CIC: variants seen among roughly 807,000 people sequenced by gnomAD.
CIC encodes protein capicua homolog.
In CIC, 18 loss-of-function variants were observed where a neutral mutation model predicts 115.7. The observed-to-expected ratio is 0.16, with a 90% CI of 0.11 to 0.23. CIC has a LOEUF of 0.23. CIC is among the 10% of genes least tolerant of loss of function. The probability of loss-of-function intolerance (pLI) is 1.00; values close to 1 mark genes in which losing one functional copy is unlikely to be tolerated. For synonymous variants in CIC, 1,076 were observed against 923.0 expected (o/e 1.17, Z -3.01); for missense variants, 2,000 against 2,159.3 (o/e 0.93, Z 1.46).
intron 2 of CIC, among the ~76,000 whole-genome samples, chr19:42,274,823 A>G (rs542371359): frequency 2.6e-5 from 4 of 152,312 alleles, no homozygotes; most frequent in African/African-American, 9.6e-5. Context: ...TCAGTCAGCA[A>G]ACCTTTCTTG....
At chr19:42,293,534 C>T (rs985886664) in intron 16 of CIC, 58 bp from the exon 17 acceptor site, 76 of 1,611,998 alleles carry the variant, frequency 4.7e-5, no homozygotes, top group South Asian at 2.3e-4. Flanking sequence ...TTGTTTCTGG[C>T]CTTTGCCCCA....
chr19:42,295,143 G>GGGGCCCCCCC lies in CIC; in HGVS notation c.7506_7507insGGGCCCCCCC (p.Pro2503GlyfsTer23). On this transcript the variant is annotated frameshift_variant, in exon 21 of 21. Coordinates refer to ENST00000681038, the MANE Select transcript of CIC (RefSeq NM_001386298.1). LOFTEE classifies it high-confidence loss of function. ...AGCCTGGCTGGGAGGGGGCTCCCCA[G>GGGGCCCCCCC]CCCTCCCCCCCACCCCCAGGTCCCT... 57 of 1,382,634 alleles carry GGGGCCCCCCC rather than the reference G, an allele frequency of 4.1e-5. No homozygotes were observed. The highest frequency in any genetic ancestry group is 4.5e-5 in the Non-Finnish European group (47 of 1,037,732). 85.6% of individuals were successfully genotyped at this position (1,382,634 alleles called of 1,614,324 possible).
At chr19:42,294,409 G>A (rs565152140) in intron 19 of CIC, 105 bp downstream of exon 19, 3 of 1,578,486 alleles carry the variant, frequency 1.9e-6, no homozygotes, top group South Asian at 2.2e-5. Flanking sequence ...CATCCAGGCT[G>A]GGAGGAAGCA....
At chr19:42,277,650 C>T (rs987439106) in intron 2 of CIC, among the ~76,000 whole-genome samples, 1 of 152,238 alleles carries the variant, frequency 6.6e-6, no homozygotes, top group Non-Finnish European at 1.5e-5. Flanking sequence ...GTGTGCCTAA[C>T]CCCGGGCTTG....
Position 42,290,855 on chromosome 19 carries a change from G to T in CIC, c.4814G>T (p.Arg1605Leu), listed in dbSNP as rs200405570. 8 of 1,611,264 alleles carry T rather than the reference G, an allele frequency of 5.0e-6. No individual in the cohort carries two copies. The highest frequency in any genetic ancestry group is 2.7e-5 in the African/African-American group (2 of 74,870). ...IASKPFPTSG[R>L]AEASPNDTAG... ...TCTAAGCCCTTCCCCACCTCTGGCC[G>T]GGCTGAGGCGTCTCCAAATGACACA... The change falls in exon 11 of 21, where the codon CGG becomes CTG. Residue 1605 changes from arginine to leucine, a missense_variant. By Grantham distance (102) the Arg-to-Leu change is moderately radical. This residue lies in a region of CIC where 1,466 missense variants were observed against 1,390.4 expected (regional missense o/e 1.05). Transcript: ENST00000681038.
At chr19:42,288,408 A>G (rs1338352927) in intron 7 of CIC, among the ~76,000 whole-genome samples, 1 of 152,208 alleles carries the variant, frequency 6.6e-6, no homozygotes, top group Non-Finnish European at 1.5e-5. Flanking sequence ...GCAGCTCGCA[A>G]ACACCCCTGA....
At chr19:42,284,554 C>T in intron 2 of CIC, 1 of 176,480 alleles carries the variant, frequency 5.7e-6, no homozygotes, top group Non-Finnish European at 9.4e-6. Flanking sequence ...GTGGGGCGGC[C>T]GGAGGGGGGC....
chr19:42,283,101 G>C (rs1000999676), intron 2 of CIC, among the ~76,000 whole-genome samples: 1 of 152,212 alleles, frequency 6.6e-6, no homozygotes, highest in African/African-American at 2.4e-5. Context: ...ATTATATAGA[G>C]GGTGGGGTCG....
Position 42,290,321 on chromosome 19 carries a change from C to G in CIC, c.4280C>G (p.Pro1427Arg), listed in dbSNP as rs757042769. 6.2e-7 allele frequency: 1 copy of G among 1,614,112 alleles called. No homozygotes were observed. The highest frequency in any genetic ancestry group is 1.1e-5 in the South Asian group (1 of 91,088). The change falls in exon 11 of 21, where the codon CCG becomes CGG. Residue 1427 changes from proline (P) to arginine (R), a missense_variant. Pro to Arg is a moderately radical substitution (Grantham distance 103). Around this residue, in one of 8 missense-constraint regions of CIC, gnomAD observed 1,466 missense variants for 1,390.4 expected, o/e 1.05. Coordinates refer to ENST00000681038, the MANE Select transcript of CIC (RefSeq NM_001386298.1). ...CTGGACCCTGAGCCCCCAGGGCCCC[C>G]GGATCCTCCTGTAGCCTTTGGCAAA... ...PPLDPEPPGP[P>R]DPPVAFGKGY...
rs899851832 is a variant in CIC, at chr19:42,274,107, G to A, written c.2324G>A (p.Arg775His). The A allele has an allele frequency of 7.5e-6, 3 of 399,958 alleles. No individual in the cohort carries two copies. Among genetic ancestry groups the A allele is most frequent in the African/African-American group, 6.2e-5 (3 of 48,656 alleles). 24.8% of individuals were successfully genotyped at this position (399,958 alleles called of 1,614,324 possible). A position where few individuals can be genotyped will look rare whatever the true frequency, so the allele number is the denominator to read the frequency against. Residue 775 changes from arginine to histidine, a missense_variant, in exon 2 of 21, where the codon CGC (arginine) becomes CAC (histidine). Around this residue, in one of 8 missense-constraint regions of CIC, gnomAD observed 222 missense variants for 247.7 expected, o/e 0.90. Coordinates refer to ENST00000681038, the MANE Select transcript of CIC (RefSeq NM_001386298.1). ...RAVSPAVPFS[R>H]SRQPSPLLLL... ...GTGTCCCCTGCTGTGCCCTTCTCTCGCTCCCGCCAGCCCTCACCATTGCTG... is the reference window on the plus strand; with the variant it reads ...GTGTCCCCTGCTGTGCCCTTCTCTCACTCCCGCCAGCCCTCACCATTGCTG...
chr19:42,293,598 A>G lies in CIC; in HGVS notation c.6529A>G (p.Lys2177Glu), dbSNP rs750291887. The G allele has an allele frequency of 1.2e-6, 2 of 1,613,822 alleles. No individual in the cohort carries two copies. The highest frequency in any genetic ancestry group is 2.2e-5 in the South Asian group (2 of 91,070). ...CTGCCCATCTCCACCCCAGGCCAGC[A>G]AATTCCCCAGCTCATCTTCAGACTG... ...SAKGPETMAS[K>E]FPSSSSDWRV... Residue 2177 changes from lysine (K) to glutamate (E), a missense_variant, in exon 17 of 21, where the codon AAA becomes GAA. Transcript: ENST00000681038.
In CIC at chr19:42,292,611, C is replaced by G. The variant is rs748282809; in HGVS notation, c.5948C>G (p.Pro1983Arg). Residue 1983 changes from proline to arginine, a missense_variant, in exon 15 of 21, where the codon CCT (proline) becomes CGT (arginine). Pro to Arg is a moderately radical substitution (Grantham distance 103). This residue lies in a region of CIC where 1,466 missense variants were observed against 1,390.4 expected (regional missense o/e 1.05). Transcript: ENST00000681038. ...GCTCCCGGTCAGGTGGGCGTGTCACCTGTGCCCAGTCCCCAGCTGCCGCCT... is the reference window on the plus strand; with the variant it reads ...GCTCCCGGTCAGGTGGGCGTGTCACGTGTGCCCAGTCCCCAGCTGCCGCCT... ...LLAPGQVGVSPVPSPQLPPAC... is the reference protein window; with the variant it reads ...LLAPGQVGVSRVPSPQLPPAC... The G allele has an allele frequency of 2.1e-5, 34 of 1,613,480 alleles. 1 individual carries two copies. The South Asian group carries it at 3.4e-4, about 16-fold the overall frequency.
At chr19:42,283,768 CT>C (rs901345580) in intron 2 of CIC, among the ~76,000 whole-genome samples, 7 of 152,114 alleles carry the variant, frequency 4.6e-5, no homozygotes, top group African/African-American at 1.4e-4. Context: ...AACCGCCCCC[CT>C]GGCTCGGTGC....
chr19:42,284,094 C>T (rs1452651284), intron 2 of CIC: 10 of 148,028 alleles, frequency 6.8e-5, no homozygotes, highest in African/African-American at 2.2e-4. Context: ...CGGCGCGGGG[C>T]TCGCTCGGAG....
At chr19:42,288,574 C>T (rs2037833446) in intron 7 of CIC, among the ~76,000 whole-genome samples, 1 of 152,118 alleles carries the variant, frequency 6.6e-6, no homozygotes, top group African/African-American at 2.4e-5. Flanking sequence ...TAGTTACTTC[C>T]TCTTTGAGAT....
Position 42,280,293 on chromosome 19 carries a change from G to A in CIC, c.2794+5716G>A, listed in dbSNP as rs1279390037. ...TCAAATCCCGGCCGTGCCACCTCGC[G>A]GCTGCAAGATGCTATCCCCCCTCTG... On this transcript the variant is annotated intron_variant, in intron 2 of 20. Coordinates refer to ENST00000681038, the MANE Select transcript of CIC (RefSeq NM_001386298.1). This position sits in a 1 kb window ranked among gnomAD's most constrained non-coding sequence, Gnocchi z 4.9. The A allele has an allele frequency of 3.3e-5, 5 of 152,308 alleles. No individual in the cohort carries two copies. Among genetic ancestry groups the A allele is most frequent in the East Asian group, 1.9e-4 (1 of 5,178 alleles). 9.4% of individuals were successfully genotyped at this position (152,308 alleles called of 1,614,324 possible).
In CIC at chr19:42,288,942, A is replaced by G; in HGVS notation, c.3713A>G (p.Lys1238Arg). Reference protein sequence around the residue: ...AAQTLLSSDTKAPGSSSCGAE... With the variant: ...AAQTLLSSDTRAPGSSSCGAE... ...CAGACACTCCTGAGCTCAGACACCA[A>G]GGCTCCGGGGAGCAGCTCCTGTGGG... Residue 1238 changes from lysine (K) to arginine (R), a missense_variant, in exon 8 of 21, where the codon AAG (lysine) becomes AGG (arginine). By Grantham distance (26) the Lys-to-Arg change is conservative. This residue lies in a region of CIC where 1,466 missense variants were observed against 1,390.4 expected (regional missense o/e 1.05). Transcript: ENST00000681038. 1 of 1,614,106 alleles carries G rather than the reference A, an allele frequency of 6.2e-7. No individual in the cohort carries two copies. Among genetic ancestry groups the G allele is most frequent in the Non-Finnish European group, 8.5e-7 (1 of 1,180,034 alleles).
At chr19:42,294,377 A>G in intron 19 of CIC, 73 bp downstream of exon 19, 1 of 1,600,272 alleles carries the variant, frequency 6.2e-7, no homozygotes, top group East Asian at 2.2e-5. Context: ...GCGGTTAGAG[A>G]GTGAGAGAGG....
chr19:42,291,845 G>C, intron 12 of CIC, 100 bp downstream of exon 12: 1 of 1,477,210 alleles, frequency 6.8e-7, no homozygotes, highest in South Asian at 1.1e-5. Flanking sequence ...CCATGTATCT[G>C]GTTCTCTGTC....
Sources: gnomAD v4.1 joint callset for allele counts (sites outside exome capture counted in the v4.1 genomes callset) on GRCh38, gnomAD v4.1.1 for gene constraint, gnomAD v4.1.1 regional missense constraint, Gnocchi (gnomAD v3.1) non-coding constraint, MANE v1.5 for transcripts, NCBI Gene and HGNC (gene_info 2026-07-23, HGNC 2026-07-21) for gene names.